The following CMSS1 variants were observed in gnomAD, a reference collection of about 807,000 sequenced individuals.
CMSS1 encodes protein CMSS1.
CMSS1 carries 33 observed loss-of-function variants against 43.5 expected under a neutral mutation model. The observed-to-expected ratio is 0.76, with a 90% CI of 0.57 to 1.01. The LOEUF (loss-of-function observed/expected upper bound fraction) is 1.01. Ranked by LOEUF, CMSS1 falls within the 50% of genes least tolerant of loss-of-function variation. CMSS1 has a pLI of 0.00. For missense variants in CMSS1, 313 were observed against 326.4 expected (o/e 0.96, Z 0.32); for synonymous variants, 115 against 117.2 (o/e 0.98, Z 0.12).
chr3:100,054,171 C>G (rs936556633), intron 1 of CMSS1, among the ~76,000 whole-genome samples: 3 of 152,178 alleles, frequency 2.0e-5, no homozygotes, highest in Non-Finnish European at 4.4e-5. Context: ...ACCAAAGTTG[C>G]CATTGTACTG....
chr3:100,176,257 T>TA, intron 8 of CMSS1, 70 bp from the exon 9 acceptor site: 1 of 1,093,810 alleles, frequency 9.1e-7, no homozygotes, highest in Non-Finnish European at 1.4e-6. Context: ...ACCCGGAGAA[T>TA]AAAAAATCAT....
At chr3:99,853,967 C>T (rs988859734) in intron 1 of CMSS1, among the ~76,000 whole-genome samples, 20 of 152,122 alleles carry the variant, frequency 1.3e-4, no homozygotes. Context: ...CAGTTGCTTG[C>T]GTGTAATGCT....
intron 1 of CMSS1, among the ~76,000 whole-genome samples, chr3:99,933,061 A>G (rs1438262298): frequency 6.6e-6 from 1 of 152,188 alleles, no homozygotes; most frequent in Non-Finnish European, 1.5e-5. Flanking sequence ...TTTACAGTGA[A>G]CAAATGGAAG....
At chr3:99,964,510 G>A (rs1189462618) in intron 1 of CMSS1, 3 of 152,438 alleles carry the variant, frequency 2.0e-5, no homozygotes, top group Non-Finnish European at 4.4e-5. Flanking sequence ...GAGCTAGGTA[G>A]TGAGAAAGCC....
chr3:99,929,873 C>T (rs776840898), intron 1 of CMSS1: 4 of 1,612,742 alleles, frequency 2.5e-6, no homozygotes, highest in Non-Finnish European at 3.4e-6. Context: ...ATTGGTTTCT[C>T]ATAGATGTCC....
At chr3:100,017,694 C>T (rs9810235) in intron 1 of CMSS1, among the ~76,000 whole-genome samples, 28,115 of 150,684 alleles carry the variant, frequency 0.19, 2,939 homozygotes, top group South Asian at 0.26. Flanking sequence ...GGAGGCCCAG[C>T]GGGGAGGATC....
Position 99,880,979 on chromosome 3 carries a change from C to T in CMSS1, c.64+62936C>T, listed in dbSNP as rs147586009. ...CTGTAGACATTGGGCTATTTAAAAG[C>T]GCATGTTTACATATTCTCCCTAGCA... On this transcript the variant is annotated intron_variant, in intron 1 of 9. Coordinates refer to ENST00000421999, the MANE Select transcript of CMSS1 (RefSeq NM_032359.4). 9.9e-5 allele frequency among the ~76,000 whole-genome samples: 15 copies of T among 152,072 alleles called. No individual in the cohort carries two copies. In the East Asian group the frequency reaches 1.5e-3, roughly 16 times the overall value.
intron 1 of CMSS1, among the ~76,000 whole-genome samples, chr3:99,846,509 A>G (rs2107516470): frequency 6.6e-6 from 1 of 152,352 alleles, no homozygotes; most frequent in Admixed American, 6.5e-5. Context: ...AAACAGTTTT[A>G]ATAAACATTT....
chr3:99,899,607 A>G (rs986559314), intron 1 of CMSS1, among the ~76,000 whole-genome samples: 4 of 152,172 alleles, frequency 2.6e-5, no homozygotes, highest in Admixed American at 2.6e-4. Context: ...TCAGCAAACT[A>G]TTTCTAGGAC....
intron 1 of CMSS1, among the ~76,000 whole-genome samples, chr3:99,938,267 G>C (rs1216542112): frequency 1.3e-5 from 2 of 152,182 alleles, no homozygotes; most frequent in Non-Finnish European, 2.9e-5. Flanking sequence ...AACTGAGTAT[G>C]CACTACACTA....
chr3:100,088,390 T>C (rs1161652701), intron 1 of CMSS1, among the ~76,000 whole-genome samples: 2 of 152,046 alleles, frequency 1.3e-5, no homozygotes, highest in African/African-American at 4.8e-5. Context: ...TGCAAATGAG[T>C]AAGTTATTAT....
intron 1 of CMSS1, among the ~76,000 whole-genome samples, chr3:100,099,237 G>A (rs1559757111): frequency 1.3e-5 from 2 of 152,110 alleles, no homozygotes; most frequent in Non-Finnish European, 2.9e-5. Context: ...TATCATCTTA[G>A]TACGCACACT....
intron 2 of CMSS1, among the ~76,000 whole-genome samples, chr3:100,159,223 G>A (rs2067002328): frequency 6.6e-6 from 1 of 152,178 alleles, no homozygotes; most frequent in Non-Finnish European, 1.5e-5. Context: ...CTCTTTGCAG[G>A]TTTTTTGTTT....
chr3:100,124,902 C>CCT (rs35291341), intron 1 of CMSS1, among the ~76,000 whole-genome samples: 64,519 of 151,580 alleles, frequency 0.43, 13,933 homozygotes, highest in African/African-American at 0.49. Context: ...CTCAGATCCC[C>CCT]GTTTTCAGTC....
At chr3:99,825,751 ATCTTTTTT>A (rs1166216090) in intron 1 of CMSS1, among the ~76,000 whole-genome samples, 9 of 149,194 alleles carry the variant, frequency 6.0e-5, no homozygotes, top group Admixed American at 2.0e-4. Context: ...TGTGGCACAA[ATCTTTTTT>A]TCTTTTTTTC....
chr3:99,847,533 A>G (rs1433491259), intron 1 of CMSS1, among the ~76,000 whole-genome samples: 1 of 152,140 alleles, frequency 6.6e-6, no homozygotes, highest in Non-Finnish European at 1.5e-5. Context: ...ATCACATGTC[A>G]GAGCTTTTTA....
chr3:100,087,507 A>G (rs971546319), intron 1 of CMSS1, among the ~76,000 whole-genome samples: 9 of 152,186 alleles, frequency 5.9e-5, no homozygotes, highest in Non-Finnish European at 1.2e-4. Flanking sequence ...ATCTTTTCAT[A>G]GACCTATTTT....
At chr3:99,918,644 CATCTGTTGAAAGTTAAGTCATGATGG>C (rs1309022191) in intron 1 of CMSS1, among the ~76,000 whole-genome samples, 76 of 152,264 alleles carry the variant, frequency 5.0e-4, no homozygotes, top group African/African-American at 1.8e-3. Context: ...GGTTTTATGA[CATCTGTTGAAAGTTAAGTCATGATGG>C]ACGGTCCTAA....
intron 1 of CMSS1, among the ~76,000 whole-genome samples, chr3:100,117,851 A>ATG (rs2066587039): frequency 1.0e-5 from 1 of 95,624 alleles, no homozygotes; most frequent in Non-Finnish European, 2.1e-5. Context: ...ATATATATAT[A>ATG]TACATATATA....
Sources: gnomAD v4.1 joint callset for allele counts (sites outside exome capture counted in the v4.1 genomes callset) on GRCh38, gnomAD v4.1.1 for gene constraint, MANE v1.5 for transcripts, NCBI Gene and HGNC (gene_info 2026-07-23, HGNC 2026-07-21) for gene names.